Variants in NBAS observed in about 807,000 individuals in gnomAD.
NBAS encodes NBAS subunit of NRZ tethering complex.
A neutral mutation model predicts 302.5 loss-of-function variants in NBAS; 219 were observed. The observed-to-expected ratio is 0.72, with a 90% confidence interval of 0.65 to 0.81. The LOEUF (loss-of-function observed/expected upper bound fraction) is 0.81, where lower values mean the gene tolerates loss of function less well. NBAS is among the 30% of genes least tolerant of loss of function. The pLI, the probability that NBAS is intolerant of heterozygous loss-of-function variation, is 0.00. For synonymous variants in NBAS, 1,118 were observed against 1,021.6 expected, an observed-to-expected ratio of 1.09 and a Z score of -1.80; for missense variants, 2,932 against 2,841.6, an observed-to-expected ratio of 1.03 and a Z score of -0.72.
At chr2:15,062,042 G>A in the NBAS span, among the ~76,000 whole-genome samples, 3 of 152,162 alleles carry the variant, frequency 2.0e-5, no homozygotes, top group Non-Finnish European at 2.9e-5. Flanking sequence ...AAGGAGAGCA[G>A]CCACAGAAGG....
chr2:14,997,144 T>G, the NBAS span, among the ~76,000 whole-genome samples: 20 of 151,914 alleles, frequency 1.3e-4, no homozygotes, highest in Non-Finnish European at 1.5e-5. Flanking sequence ...GATACTGGGA[T>G]GTACTTGAGG....
chr2:15,301,086 A>G (rs1488946821), intron 40 of NBAS, among the ~76,000 whole-genome samples: 1 of 152,180 alleles, frequency 6.6e-6, no homozygotes, highest in Non-Finnish European at 1.5e-5. Context: ...GGAGTGGCAC[A>G]TGAAAATATC....
At chr2:14,800,508 A>ACAT in the NBAS span, among the ~76,000 whole-genome samples, 1 of 152,204 alleles carries the variant, frequency 6.6e-6, no homozygotes, top group Non-Finnish European at 1.5e-5. Flanking sequence ...GCAGTGTGAA[A>ACAT]GTGGACTAAT....
chr2:15,533,409 TA>T (rs1159378892), intron 9 of NBAS, among the ~76,000 whole-genome samples: 3 of 152,202 alleles, frequency 2.0e-5, no homozygotes, highest in African/African-American at 7.2e-5. Context: ...TGTTGCAAAT[TA>T]TTTGTAAAAT....
Position 15,391,378 on chromosome 2 carries a change from TA to T in NBAS, c.3257+2848del, listed in dbSNP as rs1553303238. Among the ~76,000 whole-genome samples the T allele has an allele frequency of 1.2e-4, 17 of 145,126 alleles. No individual in the cohort carries two copies. In the East Asian group the frequency reaches 1.2e-3, roughly 10 times the overall value. On this transcript the variant is annotated intron_variant, in intron 28 of 51. Coordinates refer to ENST00000281513, the MANE Select transcript of NBAS (RefSeq NM_015909.4). ...AAACCAAAATTGAACTCTTAGAGATTAAAAAAAAAACTCTTAATGAAAAATA... is the reference window on the plus strand; with the variant it reads ...AAACCAAAATTGAACTCTTAGAGATTAAAAAAAAACTCTTAATGAAAAATA...
chr2:15,016,773 G>T, the NBAS span, among the ~76,000 whole-genome samples: 3 of 152,098 alleles, frequency 2.0e-5, no homozygotes, highest in Non-Finnish European at 4.4e-5. Context: ...CATAAAAATC[G>T]ACTCATAGAC....
chr2:15,110,427 CTGAT>C, the NBAS span, among the ~76,000 whole-genome samples: 1 of 152,096 alleles, frequency 6.6e-6, no homozygotes, highest in East Asian at 1.9e-4. Context: ...TTCTAATACA[CTGAT>C]TGGGAGTAGC....
chr2:14,847,308 AGGAGGC>A, the NBAS span, among the ~76,000 whole-genome samples: 13 of 147,650 alleles, frequency 8.8e-5, no homozygotes, highest in Admixed American at 4.8e-4. Flanking sequence ...GCATGAACCC[AGGAGGC>A]GGAGCTTGCA....
intron 48 of NBAS, among the ~76,000 whole-genome samples, chr2:15,204,473 G>A (rs1666044450): frequency 1.3e-5 from 2 of 152,108 alleles, no homozygotes; most frequent in Admixed American, 1.3e-4. Flanking sequence ...AAAGGGAGAA[G>A]GCTAGAATAA....
At chr2:14,860,987 A>G in the NBAS span, among the ~76,000 whole-genome samples, 3 of 152,232 alleles carry the variant, frequency 2.0e-5, no homozygotes, top group African/African-American at 4.8e-5. Flanking sequence ...TTATGTATCA[A>G]TTTTAAAAAA....
At position 15,234,674 on chromosome 2, in the gene NBAS, A is replaced by T; in HGVS notation, c.6017T>A (p.Val2006Glu). 1 of 1,614,210 alleles carries T rather than the reference A, an allele frequency of 6.2e-7. No individual in the cohort carries two copies. Among genetic ancestry groups the T allele is most frequent in the Non-Finnish European group, 8.5e-7 (1 of 1,180,020 alleles). The change falls in exon 46 of 52, where the codon GTG (valine) becomes GAG (glutamate). Residue 2006 changes from valine (V) to glutamate (E), a missense_variant. Transcript: ENST00000281513. Reference protein sequence around the residue: ...SEKEKLHDEAVAICLDGQPLA... With the variant: ...SEKEKLHDEAEAICLDGQPLA... ...AGGCTGACCATCTAAACAAATAGCC[A>T]CAGCTTCATCATGAAGTTTCTCTTT... is the stretch of plus-strand genomic sequence containing the variant.
intron 38 of NBAS, among the ~76,000 whole-genome samples, chr2:15,311,696 C>T (rs1243355331): frequency 3.9e-5 from 6 of 152,224 alleles, no homozygotes; most frequent in Non-Finnish European, 7.3e-5. Context: ...TCTCAACGAG[C>T]ACTCAGCAAT....
At chr2:15,128,529 C>T in the NBAS span, among the ~76,000 whole-genome samples, 6 of 152,180 alleles carry the variant, frequency 3.9e-5, no homozygotes, top group African/African-American at 1.4e-4. Flanking sequence ...AGATGAGACA[C>T]ACACATAAAT....
chr2:15,250,237 T>A (rs1289749964), intron 44 of NBAS, among the ~76,000 whole-genome samples: 1 of 152,204 alleles, frequency 6.6e-6, no homozygotes, highest in African/African-American at 2.4e-5. Context: ...TAATAAATGA[T>A]GTTGGGAAAA....
At chr2:15,310,115 C>T (rs1330040592) in intron 38 of NBAS, among the ~76,000 whole-genome samples, 1 of 152,152 alleles carries the variant, frequency 6.6e-6, no homozygotes, top group East Asian at 1.9e-4. Context: ...AAGATTTACC[C>T]TCCCAATTAT....
At chr2:15,085,290 C>T in the NBAS span, among the ~76,000 whole-genome samples, 1 of 152,042 alleles carries the variant, frequency 6.6e-6, no homozygotes, top group East Asian at 1.9e-4. Flanking sequence ...AGCCACTGGG[C>T]CCACCCCACC....
intron 32 of NBAS, among the ~76,000 whole-genome samples, chr2:15,357,703 A>T (rs571972978): frequency 3.3e-5 from 5 of 152,318 alleles, no homozygotes; most frequent in Admixed American, 3.3e-4. Flanking sequence ...ATATATATAA[A>T]TGAGGATGAA....
At chr2:14,863,331 G>C in the NBAS span, among the ~76,000 whole-genome samples, 1 of 152,182 alleles carries the variant, frequency 6.6e-6, no homozygotes, top group Non-Finnish European at 1.5e-5. Flanking sequence ...GTCAGGAAGG[G>C]AGATAGGAGA....
the NBAS span, among the ~76,000 whole-genome samples, chr2:15,147,430 C>T: frequency 6.2e-3 from 938 of 152,006 alleles, 51 homozygotes; most frequent in East Asian, 0.13. Context: ...CCCATCTCTA[C>T]TAAAAATACA....
Sources: gnomAD v4.1 joint callset for allele counts (sites outside exome capture counted in the v4.1 genomes callset) on GRCh38, gnomAD v4.1.1 for gene constraint, MANE v1.5 for transcripts, NCBI Gene and HGNC (gene_info 2026-07-23, HGNC 2026-07-21) for gene names.